Variants in CA3 observed in about 807,000 individuals in gnomAD.
The protein encoded by CA3 is CA-III.
In CA3, 30 loss-of-function variants were observed where a neutral mutation model predicts 35.7. The ratio of observed to expected loss-of-function variants is 0.84; its 90% CI spans 0.63 to 1.14. The LOEUF (loss-of-function observed/expected upper bound fraction) is 1.14, where lower values mean the gene tolerates loss of function less well. Ranked by LOEUF, CA3 falls within the 50% of genes most tolerant of loss-of-function variation. CA3 has a pLI of 0.00. For synonymous variants in CA3, 131 were observed against 130.8 expected (o/e 1.00, Z -0.01); for missense variants, 295 against 328.5 (o/e 0.90, Z 0.79).
intron 6 of CA3, among the ~76,000 whole-genome samples, chr8:85,447,065 A>C (rs560220981): frequency 3.3e-4 from 50 of 152,158 alleles, no homozygotes; most frequent in Non-Finnish European, 6.5e-4. Context: ...TTTCATATTT[A>C]TGTCAGTTGT....
intron 2 of CA3, chr8:85,441,813 T>C: frequency 2.3e-6 from 1 of 432,324 alleles, no homozygotes; most frequent in South Asian, 2.6e-5. Context: ...TAATTTTGCT[T>C]TCCTAAATGT....
At chr8:85,444,441 G>A (rs945495498) in intron 4 of CA3, among the ~76,000 whole-genome samples, 2 of 152,126 alleles carry the variant, frequency 1.3e-5, no homozygotes, top group Non-Finnish European at 2.9e-5. Context: ...AAGGGCAAAG[G>A]TGGCATATAT....
At position 85,445,272 on chromosome 8, in the gene CA3, C is replaced by A; in HGVS notation, c.507+54C>A. ...ACATAAAGCAGATTATGCAGATTTT[C>A]TTTACATATTTTCAAGTATTTTTTT... On this transcript the variant is annotated intron_variant, in intron 5 of 6. Coordinates refer to ENST00000285381, the MANE Select transcript of CA3 (RefSeq NM_005181.4). The A allele has an allele frequency of 5.0e-6, 6 of 1,194,098 alleles. No homozygotes were observed. In the South Asian group the frequency reaches 8.2e-5, roughly 16 times the overall value. 74.0% of individuals were successfully genotyped at this position (1,194,098 alleles called of 1,614,324 possible).
At chr8:85,438,967 G>A (rs1221859729) in intron 1 of CA3, 24 bp downstream of exon 1, 11 of 1,550,684 alleles carry the variant, frequency 7.1e-6, no homozygotes, top group South Asian at 1.2e-5. Flanking sequence ...GCCGCGACCC[G>A]GCCAGGAAGG....
intron 2 of CA3, among the ~76,000 whole-genome samples, chr8:85,440,520 C>T (rs1000184320): frequency 3.3e-5 from 5 of 152,062 alleles, no homozygotes; most frequent in South Asian, 2.1e-4. Context: ...TGTGAGACAG[C>T]GACTGAAAAA....
chr8:85,444,151 T>G, intron 4 of CA3, 25 bp downstream of exon 4: 1 of 1,468,222 alleles, frequency 6.8e-7, no homozygotes, highest in Non-Finnish European at 9.5e-7. Context: ...GACTATATAT[T>G]TTCTTCCAAA....
At chr8:85,445,826 T>C (rs1324835055) in intron 5 of CA3, among the ~76,000 whole-genome samples, 2 of 152,230 alleles carry the variant, frequency 1.3e-5, no homozygotes, top group Admixed American at 1.3e-4. Context: ...CATTAACTTA[T>C]ATTAAATAAT....
rs755933606 is a variant in CA3, at chr8:85,442,227, T to C, written c.351+36T>C. 2.7e-6 allele frequency: 3 copies of C among 1,116,250 alleles called. No homozygotes were observed. In the South Asian group the frequency reaches 3.7e-5, roughly 14 times the overall value. 69.1% of individuals were successfully genotyped at this position (1,116,250 alleles called of 1,614,324 possible). ...CTGCCATAATCCATTCTCGGTCTCATACAGTGAAAACTGCAAAATTAAAAA... is the reference window on the plus strand; with the variant it reads ...CTGCCATAATCCATTCTCGGTCTCACACAGTGAAAACTGCAAAATTAAAAA... On this transcript the variant is annotated intron_variant, in intron 3 of 6. Transcript: ENST00000285381.
chr8:85,439,707 C>T lies in CA3; in HGVS notation c.35-5C>T. ...TAAATACATCTCCTCGACTTTATTT[C>T]CTAGGTCCTGACCACTGGCATGAAC... On this transcript the variant is annotated splice_polypyrimidine_tract_variant and splice_region_variant and intron_variant, in intron 1 of 6. Transcript: ENST00000285381. The T allele has an allele frequency of 6.2e-7, 1 of 1,609,414 alleles. No homozygotes were observed. The highest frequency in any genetic ancestry group is 8.5e-7 in the Non-Finnish European group (1 of 1,176,836).
At chr8:85,446,340 C>G in intron 6 of CA3, 43 bp downstream of exon 6, 1 of 1,588,702 alleles carries the variant, frequency 6.3e-7, no homozygotes, top group Non-Finnish European at 8.6e-7. Context: ...TGCTGTCTGC[C>G]TATGTAAGAT....
At position 85,439,877 on chromosome 8, in the gene CA3, G is replaced by T. The variant is rs772237863; in HGVS notation, c.200G>T (p.Arg67Leu). 1 of 1,613,490 alleles carries T rather than the reference G, an allele frequency of 6.2e-7. No homozygotes were observed. Among genetic ancestry groups the T allele is most frequent in the South Asian group, 1.1e-5 (1 of 91,078 alleles). ...KTILNNGKTC[R>L]VVFDDTYDRS... is the part of the protein sequence containing the mutation. Reference sequence around the variant, plus strand: ...ATCCTGAATAATGGGAAGACCTGCCGAGTTGTATTTGATGATACTTATGAT... The same window carrying T: ...ATCCTGAATAATGGGAAGACCTGCCTAGTTGTATTTGATGATACTTATGAT... The change falls in exon 2 of 7, where the codon CGA (arginine) becomes CTA (leucine). Residue 67 changes from arginine (R) to leucine (L), a missense_variant. Physicochemically the swap from Arg to Leu is moderately radical, Grantham distance 102. Coordinates refer to ENST00000285381, the MANE Select transcript of CA3 (RefSeq NM_005181.4).
rs766830102 is a variant in CA3 at position 85,444,091 on chromosome 8, C to T, written c.409C>T (p.Arg137Cys). Residue 137 changes from arginine (R) to cysteine (C), a missense_variant, in exon 4 of 7, where the codon CGC (arginine) becomes TGC (cysteine). Transcript: ENST00000285381. ...CACTTTTAAAGAAGCCCTGAAGCAG[C>T]GCGATGGGATCGCTGTGATTGGCAT... Reference protein sequence around the residue: ...YNTFKEALKQRDGIAVIGIFL... With the variant: ...YNTFKEALKQCDGIAVIGIFL... 4.3e-6 allele frequency: 7 copies of T among 1,613,232 alleles called. No individual in the cohort carries two copies. Among genetic ancestry groups the T allele is most frequent in the African/African-American group, 1.3e-5 (1 of 74,904 alleles).
At chr8:85,447,977 G>A (rs571924646) in intron 6 of CA3, 57 bp from the exon 7 acceptor site, 290 of 1,544,820 alleles carry the variant, frequency 1.9e-4, no homozygotes, top group Middle Eastern at 6.3e-4. Flanking sequence ...TCTTTGTCAC[G>A]TAGTGTGTCC....
intron 6 of CA3, 98 bp downstream of exon 6, chr8:85,446,395 C>A: frequency 7.5e-7 from 1 of 1,331,610 alleles, no homozygotes; most frequent in Non-Finnish European, 1.0e-6. Flanking sequence ...TGGATACTCA[C>A]TGAACAGCTC....
rs149223019 is a variant in CA3 at position 85,444,169 on chromosome 8, T to C, written c.444+43T>C. On this transcript the variant is annotated intron_variant, in intron 4 of 6. Transcript: ENST00000285381. ...TATATATTTTCTTCCAAAATGTATT[T>C]CCCTGCCAATGGTTAGCATAGTTTG... The C allele has an allele frequency of 1.5e-4, 181 of 1,222,172 alleles. 1 individual carries two copies. The East Asian group carries it at 3.9e-3, about 27-fold the overall frequency. The allele number at this position is 1,222,172 out of a possible 1,614,324, so 75.7% of individuals were successfully genotyped here.
At chr8:85,441,973 A>G (rs1446038713) in intron 2 of CA3, 100 bp from the exon 3 acceptor site, 3 of 749,160 alleles carry the variant, frequency 4.0e-6, no homozygotes, top group East Asian at 2.4e-5. Context: ...AACTGACCAC[A>G]TTTTGTCCAT....
intron 4 of CA3, among the ~76,000 whole-genome samples, chr8:85,444,352 T>C (rs1270013059): frequency 6.7e-6 from 1 of 149,652 alleles, no homozygotes; most frequent in Non-Finnish European, 1.5e-5. Flanking sequence ...CTTCTAAATT[T>C]TCCCCAGATG....
chr8:85,441,785 A>G, intron 2 of CA3: 1 of 365,746 alleles, frequency 2.7e-6, no homozygotes, highest in Non-Finnish European at 5.2e-6. Context: ...ATGCATCCTC[A>G]TTGTCTATCT....
chr8:85,444,246 C>T (rs1346552964), intron 4 of CA3, 120 bp downstream of exon 4: 4 of 656,580 alleles, frequency 6.1e-6, no homozygotes, highest in Admixed American at 5.2e-5. Flanking sequence ...TTTTATTATT[C>T]ATTCAACTAA....
Sources: gnomAD v4.1 joint callset for allele counts (sites outside exome capture counted in the v4.1 genomes callset) on GRCh38, gnomAD v4.1.1 for gene constraint, MANE v1.5 for transcripts, NCBI Gene and HGNC (gene_info 2026-07-23, HGNC 2026-07-21) for gene names.